Variants in CSMD3 observed in about 807,000 individuals in gnomAD.
The protein encoded by CSMD3 is CUB and sushi domain-containing protein 3.
A neutral mutation model predicts 435.2 loss-of-function variants in CSMD3; 177 were observed. The ratio of observed to expected loss-of-function variants is 0.41; its 90% CI spans 0.36 to 0.46. CSMD3 has a LOEUF of 0.46. Among genes scored for constraint, CSMD3 ranks in the 20% least tolerant of loss-of-function variants. The pLI, the probability that CSMD3 is intolerant of heterozygous loss-of-function variation, is 0.34. For missense variants in CSMD3, 4,265 were observed against 4,504.6 expected (o/e 0.95, Z 1.52); for synonymous variants, 1,656 against 1,520.5 (o/e 1.09, Z -2.07).
intron 38 of CSMD3, among the ~76,000 whole-genome samples, chr8:112,374,941 G>A (rs951149009): frequency 5.3e-5 from 8 of 152,110 alleles, no homozygotes; most frequent in East Asian, 1.9e-4. Flanking sequence ...ATCGCTTTGC[G>A]AACATTTAGA....
chr8:112,478,699 G>A (rs541862707), intron 31 of CSMD3, among the ~76,000 whole-genome samples: 2 of 152,236 alleles, frequency 1.3e-5, no homozygotes, highest in Admixed American at 6.5e-5. Context: ...GGGTGGGTCC[G>A]TGGTGAAACC....
At chr8:112,326,183 G>A (rs28522498) in intron 45 of CSMD3, among the ~76,000 whole-genome samples, 4,881 of 152,270 alleles carry the variant, frequency 0.032, 102 homozygotes, top group Non-Finnish European at 0.043. Context: ...TGTAATGATT[G>A]TGAGGTGTGA....
chr8:112,322,958 G>T (rs571750944), intron 45 of CSMD3, among the ~76,000 whole-genome samples: 1 of 152,104 alleles, frequency 6.6e-6, no homozygotes, highest in African/African-American at 2.4e-5. Context: ...TTCTTCAAGA[G>T]GGAAGCAGTC....
chr8:112,951,952 C>T (rs764438679), intron 8 of CSMD3, among the ~76,000 whole-genome samples: 6 of 151,418 alleles, frequency 4.0e-5, no homozygotes, highest in Non-Finnish European at 7.4e-5. Context: ...TCACAGTTTC[C>T]TCATAATTCC....
chr8:112,913,095 G>C (rs780847097), intron 10 of CSMD3, among the ~76,000 whole-genome samples: 6 of 151,730 alleles, frequency 4.0e-5, no homozygotes, highest in Non-Finnish European at 8.8e-5. Context: ...GCATCTTCAG[G>C]GTTCAACTCA....
At chr8:113,364,473 A>G (rs1444111093) in intron 1 of CSMD3, among the ~76,000 whole-genome samples, 1 of 152,124 alleles carries the variant, frequency 6.6e-6, no homozygotes, top group Non-Finnish European at 1.5e-5. Context: ...TTACTAAAAC[A>G]TGTACTTCGA....
At chr8:112,309,347 T>G (rs1438135575) in intron 50 of CSMD3, among the ~76,000 whole-genome samples, 1 of 151,820 alleles carries the variant, frequency 6.6e-6, no homozygotes, top group East Asian at 1.9e-4. Flanking sequence ...TGTGTGTATA[T>G]AAATATAAAT....
At chr8:113,226,255 G>A (rs761284706) in intron 3 of CSMD3, among the ~76,000 whole-genome samples, 2 of 151,508 alleles carry the variant, frequency 1.3e-5, no homozygotes, top group Non-Finnish European at 1.5e-5. Flanking sequence ...TAAGAAGGAG[G>A]AATGTGATGT....
At chr8:112,231,047 C>G (rs1048984263) in intron 69 of CSMD3, among the ~76,000 whole-genome samples, 1 of 152,170 alleles carries the variant, frequency 6.6e-6, no homozygotes, top group Non-Finnish European at 1.5e-5. Flanking sequence ...TTGCTTCCCA[C>G]TGCAGAAAAT....
intron 5 of CSMD3, among the ~76,000 whole-genome samples, chr8:113,050,734 A>G (rs943225610): frequency 6.6e-6 from 1 of 152,076 alleles, no homozygotes; most frequent in Admixed American, 6.5e-5. Flanking sequence ...CTGCTCTCTG[A>G]TTGTTGTTGT....
intron 22 of CSMD3, among the ~76,000 whole-genome samples, chr8:112,600,175 T>C (rs1427323808): frequency 6.6e-6 from 1 of 152,048 alleles, no homozygotes; most frequent in Non-Finnish European, 1.5e-5. Context: ...ACTCAAGACA[T>C]GGATTTAAAT....
intron 7 of CSMD3, among the ~76,000 whole-genome samples, chr8:112,966,585 T>C (rs1019984206): frequency 1.3e-5 from 2 of 151,810 alleles, no homozygotes; most frequent in African/African-American, 4.8e-5. Context: ...TATTTTTCTC[T>C]TTGTTATTTG....
chr8:112,495,180 G>A (rs554212363), intron 30 of CSMD3, among the ~76,000 whole-genome samples: 1 of 152,242 alleles, frequency 6.6e-6, no homozygotes, highest in African/African-American at 2.4e-5. Flanking sequence ...CCTTAAACAA[G>A]CAGGAAAACG....
intron 38 of CSMD3, among the ~76,000 whole-genome samples, chr8:112,368,841 G>T (rs1242350709): frequency 6.6e-6 from 1 of 151,994 alleles, no homozygotes; most frequent in East Asian, 1.9e-4. Context: ...TTGTAAAATA[G>T]GGTTAAAAAT....
At chr8:112,403,472 G>A (rs1831507086) in intron 35 of CSMD3, among the ~76,000 whole-genome samples, 1 of 152,118 alleles carries the variant, frequency 6.6e-6, no homozygotes, top group African/African-American at 2.4e-5. Flanking sequence ...GATTAGGTAA[G>A]TTTTCAACAA....
At chr8:113,151,102 G>A (rs2091794881) in intron 4 of CSMD3, among the ~76,000 whole-genome samples, 1 of 151,920 alleles carries the variant, frequency 6.6e-6, no homozygotes, top group South Asian at 2.1e-4. Context: ...AGTAAAGTAA[G>A]TCAGTTGAAA....
At chr8:112,385,270 T>C (rs150382799) in intron 36 of CSMD3, among the ~76,000 whole-genome samples, 4 of 152,292 alleles carry the variant, frequency 2.6e-5, no homozygotes, top group African/African-American at 4.8e-5. Flanking sequence ...ATTATTTACA[T>C]AAATTATTGT....
intron 9 of CSMD3, among the ~76,000 whole-genome samples, chr8:112,938,042 G>C (rs368486656): frequency 7.1e-4 from 108 of 151,266 alleles, no homozygotes; most frequent in African/African-American, 2.6e-3. Context: ...GAGAAGCCAG[G>C]GGGGAAAAGC....
chr8:112,930,233 A>G (rs1323573650), intron 9 of CSMD3, among the ~76,000 whole-genome samples: 1 of 152,070 alleles, frequency 6.6e-6, no homozygotes, highest in Non-Finnish European at 1.5e-5. Flanking sequence ...AACTGTTCCC[A>G]TTGCTATATC....
Sources: gnomAD v4.1 joint callset for allele counts (sites outside exome capture counted in the v4.1 genomes callset) on GRCh38, gnomAD v4.1.1 for gene constraint, MANE v1.5 for transcripts, NCBI Gene and HGNC (gene_info 2026-07-23, HGNC 2026-07-21) for gene names.